EBF4: variants seen among roughly 807,000 people sequenced by gnomAD.
The protein encoded by EBF4 is transcription factor COE4.
In EBF4, 34 loss-of-function variants were observed where a neutral mutation model predicts 67.1. That is an observed-to-expected ratio of 0.51 (90% CI 0.39 to 0.67). The LOEUF (loss-of-function observed/expected upper bound fraction) is 0.67. Among genes scored for constraint, EBF4 ranks in the 30% least tolerant of loss-of-function variants. The pLI is 0.00. For synonymous variants in EBF4, 387 were observed against 377.7 expected, an observed-to-expected ratio of 1.02 and a Z score of -0.29; for missense variants, 837 against 873.3, an observed-to-expected ratio of 0.96 and a Z score of 0.52.
At chr20:2,732,664 G>A (rs1284623718) in intron 6 of EBF4, among the ~76,000 whole-genome samples, 3 of 151,970 alleles carry the variant, frequency 2.0e-5, no homozygotes, top group African/African-American at 7.3e-5. Context: ...GCATATAGTT[G>A]GATTGTGTTG....
intron 10 of EBF4, among the ~76,000 whole-genome samples, chr20:2,750,245 C>T (rs1029411872): frequency 2.0e-4 from 30 of 152,168 alleles, no homozygotes; most frequent in African/African-American, 6.8e-4. Context: ...CATTCTTACT[C>T]CCTCAGCCAT....
intron 1 of EBF4, among the ~76,000 whole-genome samples, chr20:2,703,508 A>C (rs2087406692): frequency 6.6e-6 from 1 of 152,070 alleles, no homozygotes; most frequent in African/African-American, 2.4e-5. Context: ...CCAAGGCAGA[A>C]GGATCATTTA....
At chr20:2,694,518 C>T (rs2087260649) in intron 1 of EBF4, among the ~76,000 whole-genome samples, 1 of 152,078 alleles carries the variant, frequency 6.6e-6, no homozygotes, top group African/African-American at 2.4e-5. Flanking sequence ...AGTTTATTGA[C>T]CTGCCCCCAA....
intron 1 of EBF4, among the ~76,000 whole-genome samples, chr20:2,702,781 TAA>T (rs1264502704): frequency 6.6e-6 from 1 of 152,158 alleles, no homozygotes; most frequent in Non-Finnish European, 1.5e-5. Flanking sequence ...CAAGCTGACC[TAA>T]GTGGTCCTCA....
intron 1 of EBF4, among the ~76,000 whole-genome samples, chr20:2,704,139 C>T (rs1362932074): frequency 6.6e-6 from 1 of 152,056 alleles, no homozygotes; most frequent in Non-Finnish European, 1.5e-5. Flanking sequence ...CTATTGACCT[C>T]ACAGGCCAAT....
At chr20:2,700,377 C>G (rs550134111) in intron 1 of EBF4, among the ~76,000 whole-genome samples, 1 of 152,142 alleles carries the variant, frequency 6.6e-6, no homozygotes, top group Non-Finnish European at 1.5e-5. Flanking sequence ...TCTATTCCCC[C>G]TTCTCTCCCC....
chr20:2,693,737 G>T lies in EBF4; in HGVS notation c.92G>T (p.Trp31Leu). 1 of 1,362,468 alleles carries T rather than the reference G, an allele frequency of 7.3e-7. No homozygotes were observed. The highest frequency in any genetic ancestry group is 1.7e-5 in the South Asian group (1 of 59,166). The allele number at this position is 1,362,468 out of a possible 1,614,324, so 84.4% of individuals were successfully genotyped here. ...GCCGGCCTGGGCTCAGTGCGCTCCT[G>T]GATGCAGGGCGCGGGCATCCTGGAC... Residue 31 changes from tryptophan (W) to leucine (L), a missense_variant, in exon 1 of 17, where the codon TGG (tryptophan) becomes TTG (leucine). Physicochemically the swap from Trp to Leu is moderately conservative, Grantham distance 61. Transcript: ENST00000609451. The surrounding 1 kb of genome is among the most constrained non-coding windows in gnomAD (Gnocchi z 4.6).
At chr20:2,713,676 A>C (rs1242581039) in intron 6 of EBF4, among the ~76,000 whole-genome samples, 1 of 152,158 alleles carries the variant, frequency 6.6e-6, no homozygotes, top group Non-Finnish European at 1.5e-5. Flanking sequence ...CAAGAGACTG[A>C]AATGTATGTG....
chr20:2,746,007 A>G (rs889857768), intron 6 of EBF4, among the ~76,000 whole-genome samples: 49 of 152,118 alleles, frequency 3.2e-4, no homozygotes, highest in African/African-American at 1.0e-3. Flanking sequence ...TTTTCCCTCC[A>G]TCTAGCACCT....
rs1166979874 is a variant in EBF4, at chr20:2,751,888, C to A, written c.1108-34C>A. On this transcript the variant is annotated intron_variant, in intron 11 of 16. Transcript: ENST00000609451. This position sits in a 1 kb window ranked among gnomAD's most constrained non-coding sequence, Gnocchi z 5.2. Reference sequence around the variant, plus strand: ...CCCCTTGGTCGCCCCCAGGGGCTGCCCCTCCGTCCCGCTGTCTCTCCCCCT... The same window carrying A: ...CCCCTTGGTCGCCCCCAGGGGCTGCACCTCCGTCCCGCTGTCTCTCCCCCT... The A allele has an allele frequency of 6.5e-7, 1 of 1,549,086 alleles. No homozygotes were observed. The highest frequency in any genetic ancestry group is 1.4e-5 in the African/African-American group (1 of 73,142).
chr20:2,743,063 TC>T (rs2087991226), intron 6 of EBF4, among the ~76,000 whole-genome samples: 2 of 152,130 alleles, frequency 1.3e-5, no homozygotes, highest in South Asian at 4.1e-4. Flanking sequence ...TCTCCCCCAG[TC>T]CCCAGCCCCC....
At chr20:2,694,599 G>C (rs945941283) in intron 1 of EBF4, among the ~76,000 whole-genome samples, 44 of 152,148 alleles carry the variant, frequency 2.9e-4, no homozygotes, top group Non-Finnish European at 1.9e-4. Context: ...GTATCCTATG[G>C]GGAGTCACAG....
At chr20:2,759,342 A>G (rs2088291515) in exon 17 of EBF4, 1 of 314,418 alleles carries the variant, frequency 3.2e-6, no homozygotes, top group Non-Finnish European at 6.1e-6. Context: ...ATGGTGGCAC[A>G]GACAGATGCA....
intron 2 of EBF4, 56 bp from the exon 3 acceptor site, chr20:2,705,918 A>C (rs1464656087): frequency 6.5e-7 from 1 of 1,531,820 alleles, no homozygotes; most frequent in Non-Finnish European, 8.8e-7. Context: ...AGGGGTGGAC[A>C]AGGGAGGCTG....
At chr20:2,710,411 A>G (rs951957789) in intron 6 of EBF4, among the ~76,000 whole-genome samples, 1 of 152,112 alleles carries the variant, frequency 6.6e-6, no homozygotes, top group African/African-American at 2.4e-5. Context: ...CGACCTTCCA[A>G]AGTGCTGGGA....
intron 6 of EBF4, among the ~76,000 whole-genome samples, chr20:2,740,886 T>C (rs1288222269): frequency 6.6e-6 from 1 of 152,076 alleles, no homozygotes; most frequent in Non-Finnish European, 1.5e-5. Flanking sequence ...GAGTATATGC[T>C]CTTGGCTGAG....
rs1042012194 is a variant in EBF4, at chr20:2,725,858, G to A, written c.557+16216G>A. ...TTCTGATATTTGTGTATTTGTGTTA[G>A]CTCATAGCTTATGGCTCCCAATTAG... On this transcript the variant is annotated intron_variant, in intron 6 of 16. Coordinates refer to ENST00000609451, the Ensembl canonical transcript of EBF4. Among the ~76,000 whole-genome samples, 9 of 152,288 alleles carry A rather than the reference G, an allele frequency of 5.9e-5. No individual in the cohort carries two copies. In the East Asian group the frequency reaches 1.5e-3, roughly 26 times the overall value.
In EBF4 at chr20:2,751,674, C is replaced by T. The variant is rs1358275649; in HGVS notation, c.1019-26C>T. ...GAGTGGGGGGCTGCGGGGGAGACGTCCTCCAAACGCCGCCCCCTTCCCCAG... is the reference window on the plus strand; with the variant it reads ...GAGTGGGGGGCTGCGGGGGAGACGTTCTCCAAACGCCGCCCCCTTCCCCAG... On this transcript the variant is annotated intron_variant, in intron 10 of 16. Transcript: ENST00000609451. This position sits in a 1 kb window ranked among gnomAD's most constrained non-coding sequence, Gnocchi z 5.2. The T allele has an allele frequency of 3.2e-6, 5 of 1,548,824 alleles. No homozygotes were observed. In the Admixed American group the frequency reaches 7.8e-5, roughly 24 times the overall value.
chr20:2,758,833 C>T, intron 15 of EBF4, 76 bp from the exon 16 acceptor site: 2 of 1,339,162 alleles, frequency 1.5e-6, no homozygotes, highest in Non-Finnish European at 2.1e-6. Context: ...CTGCTGTCTC[C>T]AGCCCAGAGA....
Sources: allele counts gnomAD v4.1 joint callset (sites outside exome capture counted in the v4.1 genomes callset), GRCh38; gene constraint gnomAD v4.1.1; non-coding constraint Gnocchi (gnomAD v3.1); transcripts MANE v1.5; gene names NCBI Gene and HGNC (gene_info 2026-07-23, HGNC 2026-07-21).